Variants in TSPAN9 observed in about 807,000 individuals in gnomAD.
The protein encoded by TSPAN9 is tetraspanin-9.
Under a neutral mutation model 31.0 loss-of-function variants are expected in TSPAN9, and 16 were observed. The observed-to-expected ratio is 0.52, with a 90% CI of 0.35 to 0.78. The LOEUF is 0.78. TSPAN9 is among the 30% of genes least tolerant of loss of function. The pLI is 0.01. For missense variants in TSPAN9, 272 were observed against 312.5 expected, an observed-to-expected ratio of 0.87 and a Z score of 0.98; for synonymous variants, 145 against 121.6, an observed-to-expected ratio of 1.19 and a Z score of -1.27.
intron 3 of TSPAN9, among the ~76,000 whole-genome samples, chr12:3,227,893 C>T (rs1324189713): frequency 2.6e-5 from 4 of 152,180 alleles, no homozygotes; most frequent in East Asian, 3.8e-4. Flanking sequence ...AATGATCTAA[C>T]GATGACTGGT....
intron 1 of TSPAN9, among the ~76,000 whole-genome samples, chr12:3,080,716 G>A (rs1164232032): frequency 2.0e-5 from 3 of 152,168 alleles, no homozygotes; most frequent in Admixed American, 1.3e-4. Context: ...ATTGTTGTGC[G>A]ACAGCTCCAG....
At chr12:3,149,713 A>T (rs1016922310) in intron 2 of TSPAN9, 3 of 152,212 alleles carry the variant, frequency 2.0e-5, no homozygotes, top group African/African-American at 7.2e-5. Context: ...GCCACCAGTG[A>T]TTCAAGACCT....
Position 3,278,465 on chromosome 12 carries a change from G to A in TSPAN9, c.108G>A (p.Val36=), listed in dbSNP as rs1862833369. 2 of 1,614,066 alleles carry A rather than the reference G, an allele frequency of 1.2e-6. No individual in the cohort carries two copies. Among genetic ancestry groups the A allele is most frequent in the African/African-American group, 2.7e-5 (2 of 74,920 alleles). Reference sequence around the variant, plus strand: ...TGGGAGTGGGCATCTGGCTCTCCGTGTCCCAAGGCAACTTTGCCACCTTCT... The same window carrying A: ...TGGGAGTGGGCATCTGGCTCTCCGTATCCCAAGGCAACTTTGCCACCTTCT... ...GLLGVGIWLS[V]SQGNFATFSP... Residue 36 remains valine, a synonymous_variant, in exon 4 of 9, where the codon GTG becomes GTA. Transcript: ENST00000011898.
intron 3 of TSPAN9, among the ~76,000 whole-genome samples, chr12:3,213,753 G>A (rs1002081054): frequency 4.1e-4 from 63 of 152,306 alleles, no homozygotes; most frequent in African/African-American, 1.5e-3. Context: ...CTCAGGAGCT[G>A]TGGGAGGAAT....
chr12:3,232,281 T>TTTC (rs1287232340), intron 3 of TSPAN9, among the ~76,000 whole-genome samples: 1 of 152,150 alleles, frequency 6.6e-6, no homozygotes, highest in Non-Finnish European at 1.5e-5. Context: ...GTTTTTTTTT[T>TTTC]TTCCTACAGT....
At chr12:3,154,664 T>A (rs765070711) in intron 2 of TSPAN9, among the ~76,000 whole-genome samples, 1 of 152,240 alleles carries the variant, frequency 6.6e-6, no homozygotes, top group African/African-American at 2.4e-5. Context: ...TAGAACATGA[T>A]GCACATGTTC....
chr12:3,170,408 A>T lies in TSPAN9; in HGVS notation c.-17-30769A>T, dbSNP rs113722947. 6.6e-6 allele frequency among the ~76,000 whole-genome samples: 1 copy of T among 152,256 alleles called. No individual in the cohort carries two copies. Among genetic ancestry groups the T allele is most frequent in the African/African-American group, 2.4e-5 (1 of 41,470 alleles). On this transcript the variant is annotated intron_variant, in intron 2 of 8. Coordinates refer to ENST00000011898, the MANE Select transcript of TSPAN9 (RefSeq NM_006675.5). This position sits in a 1 kb window ranked among gnomAD's most constrained non-coding sequence, Gnocchi z 4.4. ...CAGATAGCATGTAGCATAGGATTCC[A>T]CATGTAATATACATCTGTGGGAAGA...
At chr12:3,081,160 G>A (rs2098297609) in intron 1 of TSPAN9, among the ~76,000 whole-genome samples, 1 of 152,232 alleles carries the variant, frequency 6.6e-6, no homozygotes, top group South Asian at 2.1e-4. Context: ...TACAGCAGGT[G>A]TGCAGTAAAC....
In TSPAN9 at chr12:3,283,591, G is replaced by C. The variant is rs998202368; in HGVS notation, c.*475G>C. ...CTGGGCAAGGCCCCTGGAGCATCTC[G>C]CCCAGGCTTTTTATACCTTACAATG... On this transcript the variant is annotated 3_prime_UTR_variant, in exon 9 of 9. Transcript: ENST00000011898. 1.3e-5 allele frequency: 2 copies of C among 156,762 alleles called. No homozygotes were observed. Among genetic ancestry groups the C allele is most frequent in the Non-Finnish European group, 2.8e-5 (2 of 71,138 alleles). The allele number at this position is 156,762 out of a possible 1,614,324, so 9.7% of individuals were successfully genotyped here.
intron 3 of TSPAN9, among the ~76,000 whole-genome samples, chr12:3,264,913 G>T (rs1862514067): frequency 1.3e-5 from 2 of 152,128 alleles, no homozygotes; most frequent in African/African-American, 4.8e-5. Flanking sequence ...CTTTAACCGG[G>T]TCTACCTGGA....
intron 3 of TSPAN9, among the ~76,000 whole-genome samples, chr12:3,268,075 G>A (rs3782769): frequency 0.063 from 9,368 of 148,928 alleles, 766 homozygotes; most frequent in East Asian, 0.32. Flanking sequence ...GCCTCCAGTG[G>A]AGGCCATGAC....
intron 2 of TSPAN9, among the ~76,000 whole-genome samples, chr12:3,152,976 C>T (rs530404709): frequency 6.6e-6 from 1 of 152,348 alleles, no homozygotes; most frequent in Admixed American, 6.5e-5. Context: ...GCACACACAC[C>T]TGACGGGTGG....
chr12:3,161,222 A>C (rs2098344990), intron 2 of TSPAN9, among the ~76,000 whole-genome samples: 1 of 61,834 alleles, frequency 1.6e-5, no homozygotes, highest in Non-Finnish European at 4.5e-5. Flanking sequence ...ACTCGGTCTC[A>C]AAAAAAAAAA....
rs1779567967 is a variant in TSPAN9, at chr12:3,147,620, A to G, written c.-17-53557A>G. Among the ~76,000 whole-genome samples, 2 of 152,252 alleles carry G rather than the reference A, an allele frequency of 1.3e-5. No individual in the cohort carries two copies. Among genetic ancestry groups the G allele is most frequent in the Admixed American group, 6.5e-5 (1 of 15,286 alleles). On this transcript the variant is annotated intron_variant, in intron 2 of 8. Coordinates refer to ENST00000011898, the MANE Select transcript of TSPAN9 (RefSeq NM_006675.5). This position sits in a 1 kb window ranked among gnomAD's most constrained non-coding sequence, Gnocchi z 4.3. ...TGTTCTGTTCTGTACCGCCCAGTAC[A>G]GTAGCCACCGGCTACATGTGGCCGT... is the stretch of plus-strand genomic sequence containing the variant.
rs1471143031 is a variant in TSPAN9, at chr12:3,281,297, G to T, written c.532G>T (p.Gly178Trp). The T allele has an allele frequency of 1.0e-5, 16 of 1,550,640 alleles. No individual in the cohort carries two copies. Among genetic ancestry groups the T allele is most frequent in the Admixed American group, 5.9e-5 (3 of 50,930 alleles). The change falls in exon 7 of 9, where the codon GGG becomes TGG. Residue 178 changes from glycine (G) to tryptophan (W), a missense_variant. By Grantham distance (184) the Gly-to-Trp change is radical (BLOSUM62 -2). Transcript: ENST00000011898. ...CTGCATGGAGAACTCCCAGGGCTGC[G>T]GGCGCAACGCCACCACGCCTTTGTG... ...RCCMENSQGCGRNATTPLWRT... is the reference protein window; with the variant it reads ...RCCMENSQGCWRNATTPLWRT...
chr12:3,110,055 C>T (rs1380621166), intron 2 of TSPAN9, among the ~76,000 whole-genome samples: 1 of 152,112 alleles, frequency 6.6e-6, no homozygotes, highest in Non-Finnish European at 1.5e-5. Context: ...CAGTCCCACT[C>T]CCCAGATCTC....
intron 3 of TSPAN9, among the ~76,000 whole-genome samples, chr12:3,229,376 A>C (rs1273753956): frequency 6.6e-6 from 1 of 152,156 alleles, no homozygotes; most frequent in African/African-American, 2.4e-5. Context: ...GTGAACCTGC[A>C]CTGGGTATGT....
intron 2 of TSPAN9, among the ~76,000 whole-genome samples, chr12:3,116,106 T>C (rs2098322226): frequency 6.6e-6 from 1 of 152,244 alleles, no homozygotes; most frequent in Non-Finnish European, 1.5e-5. Flanking sequence ...GCAATGTATG[T>C]TTATTGAGCA....
intron 2 of TSPAN9, among the ~76,000 whole-genome samples, chr12:3,126,594 T>A (rs974578027): frequency 2.0e-5 from 3 of 152,202 alleles, no homozygotes; most frequent in African/African-American, 7.2e-5. Flanking sequence ...AAGAAATACC[T>A]GAGACTGGGT....
Sources: gnomAD v4.1 joint callset for allele counts (sites outside exome capture counted in the v4.1 genomes callset) on GRCh38, gnomAD v4.1.1 for gene constraint, Gnocchi (gnomAD v3.1) non-coding constraint, MANE v1.5 for transcripts, NCBI Gene and HGNC (gene_info 2026-07-23, HGNC 2026-07-21) for gene names.